CAMK1D: variants seen among roughly 807,000 people sequenced by gnomAD.
The protein encoded by CAMK1D is calcium/calmodulin-dependent protein kinase type 1D.
CAMK1D carries 9 observed loss-of-function variants against 47.7 expected under a neutral mutation model. The observed-to-expected ratio is 0.19, with a 90% CI of 0.11 to 0.33. The LOEUF (loss-of-function observed/expected upper bound fraction) is 0.33. Ranked by LOEUF, CAMK1D falls within the 10% of genes least tolerant of loss-of-function variation. The pLI, the probability that CAMK1D is intolerant of heterozygous loss-of-function variation, is 1.00. For synonymous variants in CAMK1D, 184 were observed against 184.9 expected (o/e 0.99, Z 0.04); for missense variants, 291 against 488.7 (o/e 0.60, Z 3.81).
intron 1 of CAMK1D, among the ~76,000 whole-genome samples, chr10:12,369,681 A>T (rs1424504524): frequency 6.6e-6 from 1 of 152,164 alleles, no homozygotes; most frequent in African/African-American, 2.4e-5. Flanking sequence ...TATGTTGGCC[A>T]GGCGTGGCGG....
intron 3 of CAMK1D, among the ~76,000 whole-genome samples, chr10:12,702,272 A>C (rs970967462): frequency 4.6e-5 from 7 of 152,122 alleles, no homozygotes; most frequent in Non-Finnish European, 8.8e-5. Context: ...TCTGAGGTCA[A>C]CCTCGAGGAG....
At chr10:12,385,887 C>T (rs1347299107) in intron 1 of CAMK1D, among the ~76,000 whole-genome samples, 1 of 152,032 alleles carries the variant, frequency 6.6e-6, no homozygotes, top group Admixed American at 6.6e-5. Context: ...GCTGGGATCA[C>T]AGGCGTGCGC....
intron 1 of CAMK1D, among the ~76,000 whole-genome samples, chr10:12,532,883 TA>T (rs1388376350): frequency 7.0e-6 from 1 of 142,000 alleles, no homozygotes; most frequent in African/African-American, 2.7e-5. Flanking sequence ...TTGTGGGATC[TA>T]AAAAGCAAAA....
intron 1 of CAMK1D, among the ~76,000 whole-genome samples, chr10:12,443,992 C>T (rs1227889190): frequency 6.6e-6 from 1 of 152,078 alleles, no homozygotes; most frequent in Non-Finnish European, 1.5e-5. Context: ...ATTATTCATG[C>T]CCCCCCTTTT....
intron 1 of CAMK1D, among the ~76,000 whole-genome samples, chr10:12,352,417 T>G (rs749798229): frequency 3.3e-5 from 5 of 152,044 alleles, no homozygotes; most frequent in Admixed American, 1.3e-4. Flanking sequence ...GAGACCAGCC[T>G]GGCCAACATG....
chr10:12,555,775 G>A (rs939970662), intron 2 of CAMK1D, among the ~76,000 whole-genome samples: 32 of 152,222 alleles, frequency 2.1e-4, no homozygotes, highest in African/African-American at 7.7e-4. Flanking sequence ...GGTGATGACT[G>A]TATTTTGGTG....
At chr10:12,828,660 GC>G (rs55978975) in intron 10 of CAMK1D, 108 bp from the exon 11 acceptor site, 6 of 631,168 alleles carry the variant, frequency 9.5e-6, no homozygotes, top group Admixed American at 2.9e-5. Flanking sequence ...AAAAAATTGG[GC>G]CCCCCCGCCC....
At chr10:12,657,251 C>G (rs1840144353) in intron 2 of CAMK1D, among the ~76,000 whole-genome samples, 1 of 151,984 alleles carries the variant, frequency 6.6e-6, no homozygotes, top group African/African-American at 2.4e-5. Context: ...ATGGTGAAAC[C>G]CCGTCTCTAC....
chr10:12,435,436 G>A (rs1588482497), intron 1 of CAMK1D, among the ~76,000 whole-genome samples: 1 of 152,070 alleles, frequency 6.6e-6, no homozygotes, highest in Middle Eastern at 3.4e-3. Flanking sequence ...TGTTTTGGAA[G>A]GGCCTCCTGT....
At chr10:12,406,300 C>T (rs1047156158) in intron 1 of CAMK1D, among the ~76,000 whole-genome samples, 5 of 152,086 alleles carry the variant, frequency 3.3e-5, no homozygotes, top group Admixed American at 6.6e-5. Flanking sequence ...ACCGTCATGT[C>T]GCGCCAAACA....
At chr10:12,735,594 C>T (rs552275911) in intron 3 of CAMK1D, among the ~76,000 whole-genome samples, 1 of 152,266 alleles carries the variant, frequency 6.6e-6, no homozygotes, top group Non-Finnish European at 1.5e-5. Flanking sequence ...ACAGTGATGG[C>T]AGAAACCTGG....
chr10:12,385,737 T>C (rs1026195012), intron 1 of CAMK1D, among the ~76,000 whole-genome samples: 1 of 135,640 alleles, frequency 7.4e-6, no homozygotes, highest in African/African-American at 2.7e-5. Flanking sequence ...CATTGAATTG[T>C]ACTTTTTTTT....
intron 2 of CAMK1D, among the ~76,000 whole-genome samples, chr10:12,566,360 G>A (rs1317673851): frequency 2.0e-5 from 3 of 152,074 alleles, no homozygotes; most frequent in Admixed American, 6.5e-5. Context: ...TGAGGTGGCC[G>A]GCCTTCTTCC....
intron 3 of CAMK1D, among the ~76,000 whole-genome samples, chr10:12,694,451 T>A (rs1252263147): frequency 4.9e-5 from 5 of 101,396 alleles, no homozygotes; most frequent in African/African-American, 1.9e-4. Context: ...AAATATGAAA[T>A]ATATATGTTA....
chr10:12,699,879 C>T (rs1402850377), intron 3 of CAMK1D, among the ~76,000 whole-genome samples: 1 of 152,078 alleles, frequency 6.6e-6, no homozygotes, highest in African/African-American at 2.4e-5. Context: ...TCAATTTTAG[C>T]AGAATTCATG....
intron 6 of CAMK1D, among the ~76,000 whole-genome samples, chr10:12,805,021 G>A (rs1838662507): frequency 6.6e-6 from 1 of 151,486 alleles, no homozygotes; most frequent in Admixed American, 6.6e-5. Context: ...AGCACTTTGG[G>A]AGGCCGATGT....
intron 1 of CAMK1D, among the ~76,000 whole-genome samples, chr10:12,480,190 C>T (rs930821274): frequency 6.6e-6 from 1 of 152,138 alleles, no homozygotes; most frequent in Non-Finnish European, 1.5e-5. Flanking sequence ...TGGCTCACAC[C>T]TGTAATCTCA....
chr10:12,456,195 A>G (rs1398515239), intron 1 of CAMK1D, among the ~76,000 whole-genome samples: 1 of 152,248 alleles, frequency 6.6e-6, no homozygotes, highest in Non-Finnish European at 1.5e-5. Flanking sequence ...TGGAATGAAT[A>G]AAGTTTTAAA....
At chr10:12,802,698 T>G (rs1427063909) in intron 6 of CAMK1D, among the ~76,000 whole-genome samples, 1 of 152,138 alleles carries the variant, frequency 6.6e-6, no homozygotes, top group Non-Finnish European at 1.5e-5. Context: ...TTTTTTGTAT[T>G]TTTAGTAGAG....
Sources: gnomAD v4.1 joint callset for allele counts (sites outside exome capture counted in the v4.1 genomes callset) on GRCh38, gnomAD v4.1.1 for gene constraint, MANE v1.5 for transcripts, NCBI Gene and HGNC (gene_info 2026-07-23, HGNC 2026-07-21) for gene names.